Variants in IRAG1 observed in about 807,000 individuals in gnomAD.
IRAG1 encodes inositol 1,4,5-triphosphate receptor associated 1.
Under a neutral mutation model 106.2 loss-of-function variants are expected in IRAG1, and 62 were observed. The observed-to-expected ratio is 0.58, with a 90% CI of 0.48 to 0.72. The LOEUF (loss-of-function observed/expected upper bound fraction) is 0.72, where lower values mean the gene tolerates loss of function less well. IRAG1 is among the 30% of genes least tolerant of loss of function. The probability of loss-of-function intolerance (pLI) is 0.00; values close to 1 mark genes in which losing one functional copy is unlikely to be tolerated. For synonymous variants in IRAG1, 462 were observed against 443.9 expected (o/e 1.04, Z -0.51); for missense variants, 1,064 against 1,140.7 (o/e 0.93, Z 0.97).
intron 1 of IRAG1, among the ~76,000 whole-genome samples, chr11:10,674,409 C>A (rs543369150): frequency 3.3e-5 from 5 of 152,254 alleles, no homozygotes; most frequent in South Asian, 2.1e-4. Context: ...GGGGGTGACA[C>A]CTTTCAGTTC....
intron 11 of IRAG1, among the ~76,000 whole-genome samples, chr11:10,607,722 C>T (rs1338547326): frequency 6.6e-6 from 1 of 152,096 alleles, no homozygotes; most frequent in Non-Finnish European, 1.5e-5. Context: ...GTGAAGGGAC[C>T]CCAAGAGCAA....
At chr11:10,685,749 T>C (rs570113097) in intron 1 of IRAG1, among the ~76,000 whole-genome samples, 15 of 149,324 alleles carry the variant, frequency 1.0e-4, no homozygotes, top group African/African-American at 3.7e-4. Context: ...AAAAATTGTA[T>C]ACTTCAGTCT....
intron 1 of IRAG1, among the ~76,000 whole-genome samples, chr11:10,674,111 G>A (rs1197257522): frequency 6.6e-6 from 1 of 152,232 alleles, no homozygotes; most frequent in African/African-American, 2.4e-5. Context: ...GCCAAGCTCT[G>A]TGCAGTAGTA....
In IRAG1 at chr11:10,634,017, C is replaced by T; in HGVS notation, c.280G>A (p.Gly94Arg). 3 of 1,612,832 alleles carry T rather than the reference C, an allele frequency of 1.9e-6. No individual in the cohort carries two copies. Among genetic ancestry groups the T allele is most frequent in the Non-Finnish European group, 2.5e-6 (3 of 1,179,278 alleles). ...TCTCCTTCTGGTGAAGTGGCATCCC[C>T]AGTCAGGACAATCGTGGGAGTTGGA... Reference protein sequence around the residue: ...CSPTPTIVLTGDATSPEGETD... With the variant: ...CSPTPTIVLTRDATSPEGETD... Residue 94 changes from glycine to arginine, a missense_variant, in exon 3 of 21, where the codon GGG becomes AGG. Gly to Arg is a moderately radical substitution (Grantham distance 125). Transcript: ENST00000423302.
rs112262864 is a variant in IRAG1 at position 10,629,587 on chromosome 11, C to T, written c.525G>A (p.Leu175=). ...EEAKLVSERF[L]TRRGRKSRSS... Reference sequence around the variant, plus strand: ...TCCTGGACTTCCTCCCACGGCGGGTCAGGAATCGCTCACTCACCAACTTGG... The same window carrying T: ...TCCTGGACTTCCTCCCACGGCGGGTTAGGAATCGCTCACTCACCAACTTGG... The change falls in exon 5 of 21, where the codon CTG becomes CTA. Residue 175 remains leucine, a synonymous_variant. Coordinates refer to ENST00000423302, the MANE Select transcript of IRAG1 (RefSeq NM_130385.4). The T allele has an allele frequency of 2.5e-3, 4,110 of 1,613,954 alleles. 14 individuals are homozygous for T. The highest frequency in any genetic ancestry group is 3.2e-3 in the Non-Finnish European group (3,791 of 1,179,848).
At chr11:10,615,346 G>A (rs1855310961) in intron 10 of IRAG1, among the ~76,000 whole-genome samples, 1 of 152,310 alleles carries the variant, frequency 6.6e-6, no homozygotes, top group East Asian at 1.9e-4. Context: ...ACTATGAACT[G>A]GTTCAACCAT....
rs1554935706 is a variant in IRAG1, at chr11:10,680,401, G to GA, written c.67+13134dup. On this transcript the variant is annotated intron_variant, in intron 1 of 20. Transcript: ENST00000423302. ...GGAAGGAAGGAAGGAAGGAAGGAAG[G>GA]AAGGAAAGAAAGGGAAAGAAAGAAA... Among the ~76,000 whole-genome samples, 1,061 of 123,926 alleles carry GA rather than the reference G, an allele frequency of 8.6e-3. 28 individuals are homozygous for GA. The highest frequency in any genetic ancestry group is 0.023 in the African/African-American group (671 of 28,942). The allele number at this position is 123,926 out of a possible 152,430, so 81.3% of individuals were successfully genotyped here. A position where few individuals can be genotyped will look rare whatever the true frequency, so the allele number is the denominator to read the frequency against.
At chr11:10,682,075 A>G (rs547025769) in intron 1 of IRAG1, among the ~76,000 whole-genome samples, 1 of 152,316 alleles carries the variant, frequency 6.6e-6, no homozygotes, top group South Asian at 2.1e-4. Flanking sequence ...TCAGCCTCAC[A>G]AAGTCTCCAT....
chr11:10,577,875 G>T (rs753738398), intron 20 of IRAG1, among the ~76,000 whole-genome samples: 1 of 152,176 alleles, frequency 6.6e-6, no homozygotes, highest in Non-Finnish European at 1.5e-5. Context: ...GAACACATTC[G>T]CTGATTTGAA....
At chr11:10,593,920 T>A in intron 16 of IRAG1, 1 of 586,590 alleles carries the variant, frequency 1.7e-6, no homozygotes, top group Non-Finnish European at 3.0e-6. Flanking sequence ...TGAAGGCTTA[T>A]GATCACTTCA....
At chr11:10,620,946 C>T (rs1182102235) in intron 10 of IRAG1, among the ~76,000 whole-genome samples, 1 of 152,024 alleles carries the variant, frequency 6.6e-6, no homozygotes. Flanking sequence ...TAAATCATAA[C>T]TGAGGAGAAA....
intron 15 of IRAG1, among the ~76,000 whole-genome samples, chr11:10,600,100 C>T (rs1853812417): frequency 6.6e-6 from 1 of 152,120 alleles, no homozygotes; most frequent in African/African-American, 2.4e-5. Context: ...CTGGTTTCTC[C>T]ACTTGGGATG....
At chr11:10,624,161 T>A (rs1282266552) in intron 9 of IRAG1, among the ~76,000 whole-genome samples, 2 of 152,174 alleles carry the variant, frequency 1.3e-5, no homozygotes, top group East Asian at 3.9e-4. Context: ...TTGGCCTCAC[T>A]GTGGCTGAGG....
At chr11:10,627,617 G>T (rs1469073510) in intron 8 of IRAG1, 99 bp downstream of exon 8, 2 of 1,286,740 alleles carry the variant, frequency 1.6e-6, no homozygotes, top group Non-Finnish European at 2.2e-6. Flanking sequence ...ACGTGTGCAT[G>T]CACACACACT....
intron 1 of IRAG1, among the ~76,000 whole-genome samples, chr11:10,663,364 G>A (rs564481807): frequency 6.6e-6 from 1 of 152,238 alleles, no homozygotes; most frequent in Non-Finnish European, 1.5e-5. Flanking sequence ...GGTCTATTAG[G>A]AACCTGTAGG....
intron 8 of IRAG1, 99 bp from the exon 9 acceptor site, chr11:10,626,682 C>T: frequency 7.4e-7 from 1 of 1,348,794 alleles, no homozygotes; most frequent in South Asian, 1.5e-5. Context: ...ACACACCTTG[C>T]CAAGGGGCCC....
intron 4 of IRAG1, among the ~76,000 whole-genome samples, chr11:10,630,695 A>C (rs1206099524): frequency 6.6e-6 from 1 of 152,190 alleles, no homozygotes. Flanking sequence ...AACTGGGCTC[A>C]GCCAGTCTTG....
At chr11:10,645,291 G>A (rs915585431) in intron 2 of IRAG1, among the ~76,000 whole-genome samples, 1 of 152,148 alleles carries the variant, frequency 6.6e-6, no homozygotes, top group Non-Finnish European at 1.5e-5. Context: ...ATAGAAATAG[G>A]AAAACAATTA....
chr11:10,580,398 G>C (rs1851268205), intron 20 of IRAG1, 57 bp downstream of exon 20: 1 of 1,577,494 alleles, frequency 6.3e-7, no homozygotes. Flanking sequence ...ATTTAAATTA[G>C]ATGAATTGTA....
Sources: gnomAD v4.1 joint callset for allele counts (sites outside exome capture counted in the v4.1 genomes callset) on GRCh38, gnomAD v4.1.1 for gene constraint, MANE v1.5 for transcripts, NCBI Gene and HGNC (gene_info 2026-07-23, HGNC 2026-07-21) for gene names.